Variants in RGS6 observed in about 807,000 individuals in gnomAD.
RGS6 encodes the protein regulator of G protein signaling 6.
Under a neutral mutation model 78.5 loss-of-function variants are expected in RGS6, and 30 were observed. The ratio of observed to expected loss-of-function variants is 0.38; its 90% CI spans 0.29 to 0.52. The LOEUF is 0.52. Among genes scored for constraint, RGS6 ranks in the 20% least tolerant of loss-of-function variants. The pLI, the probability that RGS6 is intolerant of heterozygous loss-of-function variation, is 0.85. For missense variants in RGS6, 495 were observed against 609.7 expected, an observed-to-expected ratio of 0.81 and a Z score of 1.98; for synonymous variants, 206 against 206.0, an observed-to-expected ratio of 1.00 and a Z score of 0.00.
At chr14:72,519,749 T>C (rs370434036) in intron 15 of RGS6, among the ~76,000 whole-genome samples, 10 of 152,298 alleles carry the variant, frequency 6.6e-5, no homozygotes, top group African/African-American at 2.4e-4. Flanking sequence ...TGTATGTACG[T>C]ATGCTTTCAA....
chr14:72,139,619 T>A (rs1301333632), intron 2 of RGS6, among the ~76,000 whole-genome samples: 1 of 152,148 alleles, frequency 6.6e-6, no homozygotes. Context: ...GGAAGTAAAG[T>A]TGTTTATAGA....
At chr14:72,005,439 C>CTCTCTCTATCTATCTATCTATCTATCTA (rs1555428326) in intron 2 of RGS6, among the ~76,000 whole-genome samples, 1 of 143,512 alleles carries the variant, frequency 7.0e-6, no homozygotes, top group Non-Finnish European at 1.5e-5. Flanking sequence ...ACCTGCATAT[C>CTCTCTCTATCTATCTATCTATCTATCTA]TCTATCTATC....
intron 3 of RGS6, among the ~76,000 whole-genome samples, chr14:72,402,657 C>T (rs924906324): frequency 3.3e-5 from 5 of 151,964 alleles, no homozygotes; most frequent in Non-Finnish European, 5.9e-5. Flanking sequence ...TTGGTAGGAA[C>T]GTAAGTTAGT....
At chr14:71,934,942 A>C (rs376443076) in intron 1 of RGS6, among the ~76,000 whole-genome samples, 111 of 152,338 alleles carry the variant, frequency 7.3e-4, no homozygotes, top group African/African-American at 2.5e-3. Context: ...AACATTTTTC[A>C]AAAGGATGCT....
chr14:72,501,848 G>A (rs1235977268), intron 13 of RGS6, among the ~76,000 whole-genome samples: 1 of 152,220 alleles, frequency 6.6e-6, no homozygotes, highest in Non-Finnish European at 1.5e-5. Context: ...CAGCTTGGCC[G>A]TAGGCATTCA....
intron 17 of RGS6, among the ~76,000 whole-genome samples, chr14:72,554,598 G>A (rs1042976928): frequency 9.9e-5 from 15 of 152,110 alleles, no homozygotes; most frequent in African/African-American, 2.9e-4. Context: ...AGGAACAGGC[G>A]GGCATTAAGT....
At chr14:72,330,228 T>C (rs2074697825) in intron 2 of RGS6, among the ~76,000 whole-genome samples, 1 of 152,252 alleles carries the variant, frequency 6.6e-6, no homozygotes, top group Non-Finnish European at 1.5e-5. Context: ...ATTAATGCTG[T>C]AAATGCATGT....
intron 2 of RGS6, among the ~76,000 whole-genome samples, chr14:71,977,610 C>T (rs912970543): frequency 9.4e-5 from 14 of 149,634 alleles, no homozygotes; most frequent in African/African-American, 3.2e-4. Flanking sequence ...CTGTTCTGTT[C>T]CGTTGATCTA....
chr14:72,452,224 TTCTC>T (rs56308165), intron 3 of RGS6, among the ~76,000 whole-genome samples: 5,388 of 147,966 alleles, frequency 0.036, 341 homozygotes, highest in African/African-American at 0.12. Flanking sequence ...CACATATTCA[TTCTC>T]TCTCTCTCTC....
intron 3 of RGS6, among the ~76,000 whole-genome samples, chr14:72,432,973 T>C (rs1014961049): frequency 1.3e-5 from 2 of 152,180 alleles, no homozygotes; most frequent in African/African-American, 2.4e-5. Flanking sequence ...GAATCAGTCA[T>C]AGGTCCGTGT....
At chr14:71,930,155 T>A (rs1388158735), upstream of RGS6, among the ~76,000 whole-genome samples, 1 of 140,034 alleles carries the variant, frequency 7.1e-6, no homozygotes, top group Non-Finnish European at 1.6e-5. Flanking sequence ...ACATATACAC[T>A]TATATTTTTC....
intron 2 of RGS6, among the ~76,000 whole-genome samples, chr14:72,090,602 C>G (rs1213037223): frequency 1.3e-5 from 2 of 152,224 alleles, no homozygotes; most frequent in Non-Finnish European, 2.9e-5. Context: ...TCCCCACTAT[C>G]CATGGACAAA....
chr14:72,387,648 C>T (rs904015489), intron 3 of RGS6, among the ~76,000 whole-genome samples: 1 of 151,950 alleles, frequency 6.6e-6, no homozygotes, highest in Non-Finnish European at 1.5e-5. Context: ...ATATGTATAC[C>T]TATATACGTA....
chr14:72,375,478 C>T (rs758412099), intron 3 of RGS6, among the ~76,000 whole-genome samples: 2 of 152,170 alleles, frequency 1.3e-5, no homozygotes, highest in Non-Finnish European at 1.5e-5. Flanking sequence ...GCTGGCTGAG[C>T]AGCTGTGCAC....
intron 2 of RGS6, among the ~76,000 whole-genome samples, chr14:72,086,382 A>G (rs1346025908): frequency 6.6e-6 from 1 of 152,216 alleles, no homozygotes; most frequent in Non-Finnish European, 1.5e-5. Context: ...TTGCATTCAT[A>G]CCTGACTCTT....
At chr14:72,098,777 G>A (rs182670227) in intron 2 of RGS6, among the ~76,000 whole-genome samples, 2 of 152,182 alleles carry the variant, frequency 1.3e-5, no homozygotes, top group Non-Finnish European at 1.5e-5. Context: ...CTGTAAAATG[G>A]TACTGCATGT....
At chr14:72,310,572 A>G (rs893687429) in intron 2 of RGS6, among the ~76,000 whole-genome samples, 1 of 152,214 alleles carries the variant, frequency 6.6e-6, no homozygotes, top group African/African-American at 2.4e-5. Context: ...CCATTTTTCT[A>G]ATTGTTACTT....
the RGS6 span, among the ~76,000 whole-genome samples, chr14:72,598,046 T>C: frequency 6.6e-6 from 1 of 152,242 alleles, no homozygotes; most frequent in Admixed American, 6.5e-5. Flanking sequence ...AAATCCCCAG[T>C]GCACAGGTGT....
intron 2 of RGS6, among the ~76,000 whole-genome samples, chr14:72,131,042 C>T (rs1280386041): frequency 6.6e-6 from 1 of 152,334 alleles, no homozygotes; most frequent in East Asian, 1.9e-4. Context: ...TACACTTGAC[C>T]GACTGTCTCC....
Sources: gnomAD v4.1 joint callset for allele counts (sites outside exome capture counted in the v4.1 genomes callset) on GRCh38, gnomAD v4.1.1 for gene constraint, MANE v1.5 for transcripts, NCBI Gene and HGNC (gene_info 2026-07-23, HGNC 2026-07-21) for gene names.